CFAP96: variants seen among roughly 807,000 people sequenced by gnomAD.
CFAP96 encodes cilia and flagella associated protein 96.
the CFAP96 span, chr4:185,432,070 T>C: frequency 1.5e-5 from 23 of 1,551,646 alleles, no homozygotes; most frequent in South Asian, 1.7e-4. Context: ...GTTATTTTGA[T>C]CCCCATTTTG....
the CFAP96 span, among the ~76,000 whole-genome samples, chr4:185,442,765 GAATATACGCTGAATTTTATCA>G: frequency 6.6e-6 from 1 of 151,982 alleles, no homozygotes; most frequent in African/African-American, 2.4e-5. Context: ...GAATTTTATT[GAATATACGCTGAATTTTATCA>G]AATGGTGTAA....
chr4:185,449,667 C>T, the CFAP96 span: 37 of 1,490,494 alleles, frequency 2.5e-5, no homozygotes, highest in South Asian at 3.6e-4. Flanking sequence ...AAGTAGCTTT[C>T]TAGATCTTAA....
the CFAP96 span, chr4:185,415,600 T>C: frequency 1.9e-6 from 2 of 1,049,198 alleles, no homozygotes; most frequent in African/African-American, 1.6e-5. Context: ...CTTAGGTTAA[T>C]AATAAACAAG....
the CFAP96 span, among the ~76,000 whole-genome samples, chr4:185,436,552 T>A: frequency 3.3e-5 from 5 of 151,712 alleles, no homozygotes; most frequent in Non-Finnish European, 4.4e-5. Flanking sequence ...TCTACTAATC[T>A]TACAAAAATT....
chr4:185,409,713 A>G, the CFAP96 span, among the ~76,000 whole-genome samples: 1 of 152,232 alleles, frequency 6.6e-6, no homozygotes, highest in South Asian at 2.1e-4. Context: ...AAAAGAAAAA[A>G]GGAAAGCAAA....
At chr4:185,414,471 G>A in the CFAP96 span, among the ~76,000 whole-genome samples, 1 of 152,128 alleles carries the variant, frequency 6.6e-6, no homozygotes, top group African/African-American at 2.4e-5. Flanking sequence ...TTGTACTCCA[G>A]TGGTTTTAAA....
At chr4:185,418,826 G>T in the CFAP96 span, 1 of 1,359,948 alleles carries the variant, frequency 7.4e-7, no homozygotes, top group Non-Finnish European at 9.9e-7. Context: ...CAACATGAAT[G>T]GTTCCAAACA....
chr4:185,415,351 T>TG, the CFAP96 span: 18 of 1,566,736 alleles, frequency 1.1e-5, no homozygotes, highest in East Asian at 4.6e-5. Context: ...ACGAACTCTG[T>TG]GGGGGGAAAT....
chr4:185,440,956 AT>A, the CFAP96 span, among the ~76,000 whole-genome samples: 121,400 of 143,906 alleles, frequency 0.84, 52,028 homozygotes, highest in East Asian at 0.99. Flanking sequence ...TGAATTTATA[AT>A]TTTTTTTTTT....
At chr4:185,449,389 C>T in the CFAP96 span, among the ~76,000 whole-genome samples, 2 of 151,944 alleles carry the variant, frequency 1.3e-5, no homozygotes, top group Non-Finnish European at 2.9e-5. Flanking sequence ...GGCATGATGG[C>T]ACATGCCTGT....
chr4:185,412,491 T>C, the CFAP96 span, among the ~76,000 whole-genome samples: 1 of 152,126 alleles, frequency 6.6e-6, no homozygotes, highest in Non-Finnish European at 1.5e-5. Flanking sequence ...AAGGTATTAA[T>C]AAATGCCACC....
At chr4:185,426,082 T>C in the CFAP96 span, 1 of 603,380 alleles carries the variant, frequency 1.7e-6, no homozygotes, top group Non-Finnish European at 3.0e-6. Context: ...TTATGTTTGG[T>C]AAATTCTATT....
At chr4:185,408,919 C>T in the CFAP96 span, among the ~76,000 whole-genome samples, 1 of 152,130 alleles carries the variant, frequency 6.6e-6, no homozygotes, top group African/African-American at 2.4e-5. Flanking sequence ...CATCTCTGTC[C>T]TCTTTATGTT....
the CFAP96 span, among the ~76,000 whole-genome samples, chr4:185,437,961 A>T: frequency 3.3e-5 from 5 of 151,478 alleles, no homozygotes. Flanking sequence ...TGTCATGCTC[A>T]TTTTTGTTCT....
chr4:185,442,791 G>A, the CFAP96 span, among the ~76,000 whole-genome samples: 14 of 152,168 alleles, frequency 9.2e-5, no homozygotes, highest in African/African-American at 2.9e-4. Context: ...TTATCAAATG[G>A]TGTAATCTAT....
the CFAP96 span, among the ~76,000 whole-genome samples, chr4:185,444,723 T>C: frequency 3.9e-5 from 6 of 152,328 alleles, no homozygotes; most frequent in African/African-American, 1.4e-4. Flanking sequence ...TGCTTGGCAA[T>C]AGTTTAGACT....
chr4:185,429,125 C>T, the CFAP96 span, among the ~76,000 whole-genome samples: 6 of 152,142 alleles, frequency 3.9e-5, no homozygotes, highest in Admixed American at 2.0e-4. Flanking sequence ...GCACTTCATA[C>T]GGAGAGTCAA....
the CFAP96 span, among the ~76,000 whole-genome samples, chr4:185,436,685 C>T: frequency 3.4e-5 from 5 of 146,920 alleles, no homozygotes; most frequent in Non-Finnish European, 7.5e-5. Flanking sequence ...ACTCCAGCCT[C>T]GGTGACAGAA....
the CFAP96 span, chr4:185,445,135 G>T: frequency 6.4e-7 from 1 of 1,550,480 alleles, no homozygotes; most frequent in South Asian, 1.2e-5. Context: ...CAGAAGGTGG[G>T]AATATCTTAC....
Sources: gnomAD v4.1 joint callset for allele counts (sites outside exome capture counted in the v4.1 genomes callset) on GRCh38, gnomAD v4.1.1 for gene constraint, MANE v1.5 for transcripts, NCBI Gene and HGNC (gene_info 2026-07-23, HGNC 2026-07-21) for gene names.